The following NHSL2 variants were observed in gnomAD, a reference collection of about 807,000 sequenced individuals.
NHSL2 encodes NHS like 2, also known as NHS-like protein 2.
Under a neutral mutation model 53.4 loss-of-function variants are expected in NHSL2, and 27 were observed. The observed-to-expected ratio is 0.51, with a 90% confidence interval of 0.37 to 0.70. The LOEUF (loss-of-function observed/expected upper bound fraction) is 0.70. Among genes scored for constraint, NHSL2 ranks in the 30% least tolerant of loss-of-function variants. NHSL2 has a pLI of 0.00. For synonymous variants in NHSL2, 408 were observed against 404.1 expected, an observed-to-expected ratio of 1.01 and a Z score of -0.12; for missense variants, 892 against 980.1, an observed-to-expected ratio of 0.91 and a Z score of 1.20.
intron 1 of NHSL2, among the ~76,000 whole-genome samples, chrX:72,063,348 G>A (rs983426273): frequency 6.2e-5 from 7 of 112,267 alleles, no homozygotes; most frequent in Middle Eastern, 4.6e-3. Context: ...CCCTTGAGTA[G>A]GGGCTACTAT....
At chrX:71,998,449 C>T (rs921736056) in intron 1 of NHSL2, among the ~76,000 whole-genome samples, 7 of 111,504 alleles carry the variant, frequency 6.3e-5, no homozygotes, top group Admixed American at 2.8e-4. Flanking sequence ...TTTTCTGGGG[C>T]GTCTTGGTCT....
At chrX:72,030,059 T>C in intron 1 of NHSL2, among the ~76,000 whole-genome samples, 1 of 112,428 alleles carries the variant, frequency 8.9e-6, no homozygotes, top group Non-Finnish European at 1.9e-5. Context: ...TGCCCAAGTA[T>C]GGGAAAATAT....
At position 72,068,667 on chromosome X, in the gene NHSL2, TGTGTGTGTGAGAGAGAGA is replaced by T. The variant is rs1179345886; in HGVS notation, c.281-63410_281-63393del. Among the ~76,000 whole-genome samples, 22 of 42,174 alleles carry T rather than the reference TGTGTGTGTGAGAGAGAGA, an allele frequency of 5.2e-4. 1 individual carries two copies. In the Admixed American group the frequency reaches 7.4e-3, roughly 14 times the overall value. The allele number at this position is 42,174 out of a possible 115,157, so 36.6% of individuals were successfully genotyped here. A position where few individuals can be genotyped will look rare whatever the true frequency, so the allele number is the denominator to read the frequency against. On this transcript the variant is annotated intron_variant, in intron 1 of 7. Transcript: ENST00000633930. Reference sequence around the variant, plus strand: ...GTGTGTCCGTGTGTGTGTGCGTGTGTGTGTGTGTGAGAGAGAGAGAGAGAGAGAGAGAGCGCATGTATT... The same window carrying T: ...GTGTGTCCGTGTGTGTGTGCGTGTGTGAGAGAGAGAGAGAGCGCATGTATT...
chrX:71,923,303 C>T (rs750470786), intron 1 of NHSL2, among the ~76,000 whole-genome samples: 2 of 111,492 alleles, frequency 1.8e-5, no homozygotes, highest in South Asian at 7.7e-4. Flanking sequence ...AGAAAAAGTC[C>T]CCTTTTCTGG....
chrX:71,922,821 A>G (rs2041666537), intron 1 of NHSL2, among the ~76,000 whole-genome samples: 1 of 112,232 alleles, frequency 8.9e-6, no homozygotes, highest in Non-Finnish European at 1.9e-5. Flanking sequence ...AAGAGAACTC[A>G]TTTCTTGAGG....
Position 72,138,782 on chromosome X carries a change from A to G in NHSL2, c.1234A>G (p.Asn412Asp). ...PSATSQSNQV[N>D]ENGKNPSCGN... ...TGCCACCAGCCAGAGCAATCAAGTCAATGAAAATGGGAAAAATCCTTCCTG... is the reference window on the plus strand; with the variant it reads ...TGCCACCAGCCAGAGCAATCAAGTCGATGAAAATGGGAAAAATCCTTCCTG... Residue 412 changes from asparagine to aspartate, a missense_variant, in exon 6 of 8, where the codon AAT becomes GAT. Asn to Asp is a conservative substitution (Grantham distance 23). Coordinates refer to ENST00000633930, the MANE Select transcript of NHSL2 (RefSeq NM_001013627.3). The G allele has an allele frequency of 1.7e-6, 2 of 1,210,734 alleles. No individual in the cohort carries two copies. The highest frequency in any genetic ancestry group is 2.2e-6 in the Non-Finnish European group (2 of 894,583).
In NHSL2 at chrX:72,142,319, T is replaced by A; in HGVS notation, c.3311T>A (p.Phe1104Tyr). The A allele has an allele frequency of 8.6e-7, 1 of 1,162,433 alleles. No individual in the cohort carries two copies. The highest frequency in any genetic ancestry group is 1.2e-6 in the Non-Finnish European group (1 of 868,140). ...EWIAEDDDDV[F>Y]VASRTTEDLF... ...ATTGCAGAGGATGATGATGACGTGT[T>A]TGTGGCTTCACGCACAACTGAAGAT... The change falls in exon 7 of 8, where the codon TTT (phenylalanine) becomes TAT (tyrosine). Residue 1104 changes from phenylalanine (F) to tyrosine (Y), a missense_variant. Phe to Tyr is a conservative substitution (Grantham distance 22). Coordinates refer to ENST00000633930, the MANE Select transcript of NHSL2 (RefSeq NM_001013627.3).
At chrX:71,951,005 T>TACACACACAC (rs10527333) in intron 1 of NHSL2, among the ~76,000 whole-genome samples, 6,203 of 89,649 alleles carry the variant, frequency 0.069, 199 homozygotes, top group Non-Finnish European at 0.08. Flanking sequence ...AAATACAAAA[T>TACACACACAC]ACACACACAC....
chrX:71,963,178 T>A (rs1176864123), intron 1 of NHSL2, among the ~76,000 whole-genome samples: 1 of 111,171 alleles, frequency 9.0e-6, no homozygotes, highest in Non-Finnish European at 1.9e-5. Context: ...GTAAAGTTGA[T>A]CTTCTCCCTG....
chrX:72,101,054 T>C (rs2041988089), intron 1 of NHSL2, among the ~76,000 whole-genome samples: 1 of 107,896 alleles, frequency 9.3e-6, no homozygotes, highest in African/African-American at 3.4e-5. Flanking sequence ...TTTTTTTTTT[T>C]CAAAAGCAGA....
chrX:72,033,645 A>G (rs1569474044), intron 1 of NHSL2, among the ~76,000 whole-genome samples: 1 of 112,494 alleles, frequency 8.9e-6, no homozygotes, highest in African/African-American at 3.2e-5. Flanking sequence ...TTTCTTTGGA[A>G]CAACTTTAAA....
At chrX:71,939,134 G>A (rs1280321237) in intron 1 of NHSL2, among the ~76,000 whole-genome samples, 1 of 111,848 alleles carries the variant, frequency 8.9e-6, no homozygotes, top group Non-Finnish European at 1.9e-5. Flanking sequence ...GAGGACTGAA[G>A]GATAATTAGG....
In NHSL2 at chrX:72,138,620, G is replaced by A; in HGVS notation, c.1072G>A (p.Ala358Thr). Residue 358 changes from alanine (A) to threonine (T), a missense_variant, in exon 6 of 8, where the codon GCA (alanine) becomes ACA (threonine). Transcript: ENST00000633930. The part of the protein sequence containing the change: ...PSSEPDEPHQ[A>T]RSGPNPPGME... ...CAGTGAGCCGGACGAACCTCACCAG[G>A]CACGGAGTGGCCCAAACCCTCCTGG... The A allele has an allele frequency of 1.7e-6, 2 of 1,167,884 alleles. No individual in the cohort carries two copies. The highest frequency in any genetic ancestry group is 1.9e-5 in the South Asian group (1 of 52,669).
intron 1 of NHSL2, among the ~76,000 whole-genome samples, chrX:71,987,385 T>G (rs1196566139): frequency 8.9e-6 from 1 of 111,829 alleles, no homozygotes; most frequent in Admixed American, 9.5e-5. Flanking sequence ...GCTGACTCTT[T>G]CCAGCATACG....
intron 5 of NHSL2, 91 bp from the exon 6 acceptor site, chrX:72,138,350 C>T: frequency 4.1e-6 from 3 of 723,178 alleles, no homozygotes. Flanking sequence ...TTGGCAAATG[C>T]TTCTTGGCAA....
chrX:72,107,995 A>G (rs1233907186), intron 1 of NHSL2, among the ~76,000 whole-genome samples: 2 of 111,982 alleles, frequency 1.8e-5, no homozygotes, highest in African/African-American at 6.5e-5. Flanking sequence ...CTGGATCGTA[A>G]GAGAGCAAGA....
intron 1 of NHSL2, among the ~76,000 whole-genome samples, chrX:71,972,104 G>A (rs189676943): frequency 3.7e-5 from 4 of 109,271 alleles, no homozygotes; most frequent in Admixed American, 2.0e-4. Flanking sequence ...GTATGATCTC[G>A]GCTTACTGCA....
chrX:71,926,601 G>A (rs1395851939), intron 1 of NHSL2, among the ~76,000 whole-genome samples: 1 of 109,399 alleles, frequency 9.1e-6, no homozygotes, highest in Non-Finnish European at 1.9e-5. Flanking sequence ...TTCAACCTTG[G>A]CTGTTCATTA....
intron 1 of NHSL2, among the ~76,000 whole-genome samples, chrX:72,113,840 TG>T (rs2042113242): frequency 8.9e-6 from 1 of 112,258 alleles, no homozygotes; most frequent in South Asian, 3.7e-4. Context: ...TCTTGGTGCC[TG>T]GGGAGGAGCC....
Sources: gnomAD v4.1 joint callset for allele counts (sites outside exome capture counted in the v4.1 genomes callset) on GRCh38, gnomAD v4.1.1 for gene constraint, MANE v1.5 for transcripts, NCBI Gene and HGNC (gene_info 2026-07-23, HGNC 2026-07-21) for gene names.